UTRN: variants seen among roughly 807,000 people sequenced by gnomAD.
UTRN encodes utrophin, also known as dystrophin-related protein 1.
A neutral mutation model predicts 463.9 loss-of-function variants in UTRN; 283 were observed. The observed-to-expected ratio is 0.61, with a 90% CI of 0.55 to 0.67. The LOEUF (loss-of-function observed/expected upper bound fraction) is 0.67, where lower values mean the gene tolerates loss of function less well. Ranked by LOEUF, UTRN falls within the 30% of genes least tolerant of loss-of-function variation. The pLI is 0.00. For synonymous variants in UTRN, 1,442 were observed against 1,431.5 expected (o/e 1.01, Z -0.17); for missense variants, 3,922 against 4,084.3 (o/e 0.96, Z 1.08).
chr6:144,623,628 G>C lies in UTRN; in HGVS notation c.7479+46340G>C, dbSNP rs1231621308. Reference sequence around the variant, plus strand: ...ACTAAGTCAGCTGTTTGGAAGTCTTGGTGTAAAAATGTCTTAGAGCTTTGC... The same window carrying C: ...ACTAAGTCAGCTGTTTGGAAGTCTTCGTGTAAAAATGTCTTAGAGCTTTGC... On this transcript the variant is annotated intron_variant, in intron 51 of 74. Coordinates refer to ENST00000367545, the MANE Select transcript of UTRN (RefSeq NM_007124.3). Among the ~76,000 whole-genome samples the C allele has an allele frequency of 2.0e-5, 3 of 152,048 alleles. No homozygotes were observed. The East Asian group carries it at 5.8e-4, about 29-fold the overall frequency.
intron 2 of UTRN, among the ~76,000 whole-genome samples, chr6:144,394,786 T>C (rs1782251646): frequency 1.3e-5 from 2 of 152,184 alleles, no homozygotes; most frequent in Non-Finnish European, 2.9e-5. Flanking sequence ...TCTGTGAATT[T>C]ATGAGGAAGA....
intron 2 of UTRN, among the ~76,000 whole-genome samples, chr6:144,337,572 A>G (rs185144370): frequency 1.3e-5 from 2 of 152,240 alleles, no homozygotes; most frequent in African/African-American, 2.4e-5. Flanking sequence ...TTTAAGATCT[A>G]TGTCTGAGGT....
chr6:144,604,129 A>G (rs911757805), intron 51 of UTRN, among the ~76,000 whole-genome samples: 1 of 152,226 alleles, frequency 6.6e-6, no homozygotes, highest in Non-Finnish European at 1.5e-5. Context: ...ACATCTAGGC[A>G]GTAGAAACAG....
chr6:144,307,747 GA>G (rs796827094), intron 2 of UTRN, among the ~76,000 whole-genome samples: 5 of 151,492 alleles, frequency 3.3e-5, no homozygotes, highest in African/African-American at 9.7e-5. Context: ...ATTTGTTGAT[GA>G]ATATTTCCCT....
At chr6:144,312,892 A>G (rs183142836) in intron 2 of UTRN, among the ~76,000 whole-genome samples, 10 of 152,340 alleles carry the variant, frequency 6.6e-5, no homozygotes, top group Admixed American at 6.5e-4. Flanking sequence ...TATGTAGATC[A>G]TTTGCAAATG....
chr6:144,820,234 C>T (rs1779481559), intron 65 of UTRN, among the ~76,000 whole-genome samples: 1 of 151,958 alleles, frequency 6.6e-6, no homozygotes, highest in African/African-American at 2.4e-5. Flanking sequence ...TTTAGAAATA[C>T]CTAAGGGAAC....
intron 46 of UTRN, among the ~76,000 whole-genome samples, chr6:144,546,676 A>G (rs1338701130): frequency 2.0e-5 from 3 of 151,988 alleles, no homozygotes; most frequent in Admixed American, 2.0e-4. Context: ...AGGCTTGGTG[A>G]TGCAGGCCTG....
chr6:144,849,418 A>T (rs1229723151), intron 74 of UTRN, among the ~76,000 whole-genome samples: 3 of 152,170 alleles, frequency 2.0e-5, no homozygotes, highest in African/African-American at 7.2e-5. Context: ...AGTGCTCAGA[A>T]TTTAAAGCAG....
At chr6:144,303,862 T>G (rs1264067564) in intron 2 of UTRN, among the ~76,000 whole-genome samples, 1 of 152,180 alleles carries the variant, frequency 6.6e-6, no homozygotes, top group East Asian at 1.9e-4. Flanking sequence ...TAAAGAGTAG[T>G]CTAATGTGAT....
At chr6:144,346,188 A>AT (rs1204187913) in intron 2 of UTRN, among the ~76,000 whole-genome samples, 11 of 134,152 alleles carry the variant, frequency 8.2e-5, no homozygotes, top group South Asian at 2.1e-4. Context: ...AAAAAAAAAA[A>AT]AAATAAAATA....
intron 2 of UTRN, among the ~76,000 whole-genome samples, chr6:144,344,971 A>G (rs550585776): frequency 3.9e-5 from 6 of 152,314 alleles, no homozygotes; most frequent in African/African-American, 1.2e-4. Context: ...TGTTTAATGT[A>G]TACATGTGTG....
intron 51 of UTRN, among the ~76,000 whole-genome samples, chr6:144,580,821 A>G (rs1284665091): frequency 6.6e-6 from 1 of 152,218 alleles, no homozygotes; most frequent in Non-Finnish European, 1.5e-5. Flanking sequence ...AGCTGATGGT[A>G]TGAGGAATGG....
At chr6:144,477,917 A>T (rs185669534) in intron 25 of UTRN, among the ~76,000 whole-genome samples, 1 of 152,160 alleles carries the variant, frequency 6.6e-6, no homozygotes, top group Non-Finnish European at 1.5e-5. Flanking sequence ...CTATCCATCC[A>T]TCCACATACA....
intron 53 of UTRN, among the ~76,000 whole-genome samples, chr6:144,718,281 T>G (rs1786725789): frequency 6.6e-6 from 1 of 152,088 alleles, no homozygotes; most frequent in Non-Finnish European, 1.5e-5. Flanking sequence ...ACTGGCCTGG[T>G]CAACATAGCA....
chr6:144,328,027 C>A (rs1204852676), intron 2 of UTRN, among the ~76,000 whole-genome samples: 1 of 152,060 alleles, frequency 6.6e-6, no homozygotes, highest in Non-Finnish European at 1.5e-5. Context: ...AACTGCTAGG[C>A]TAGAACTAGG....
At chr6:144,448,562 G>A in intron 16 of UTRN, 38 bp from the exon 17 acceptor site, 5 of 1,604,594 alleles carry the variant, frequency 3.1e-6, no homozygotes, top group Non-Finnish European at 4.3e-6. Context: ...CAATGAAGCT[G>A]TTATAAACAT....
At chr6:144,590,450 T>C (rs1231716841) in intron 51 of UTRN, among the ~76,000 whole-genome samples, 1 of 152,158 alleles carries the variant, frequency 6.6e-6, no homozygotes, top group Non-Finnish European at 1.5e-5. Context: ...TATCATTATA[T>C]TTAAAAGGAC....
intron 53 of UTRN, among the ~76,000 whole-genome samples, chr6:144,712,460 G>A (rs567080293): frequency 1.3e-5 from 2 of 152,192 alleles, no homozygotes; most frequent in African/African-American, 4.8e-5. Flanking sequence ...ACAGAGGCCT[G>A]TAAAACCAAT....
intron 54 of UTRN, among the ~76,000 whole-genome samples, chr6:144,738,145 G>A (rs1016105578): frequency 2.0e-5 from 3 of 152,078 alleles, no homozygotes; most frequent in Non-Finnish European, 4.4e-5. Context: ...TCATCCCTTC[G>A]ATTTTATCTC....
Sources: gnomAD v4.1 joint callset for allele counts (sites outside exome capture counted in the v4.1 genomes callset) on GRCh38, gnomAD v4.1.1 for gene constraint, MANE v1.5 for transcripts, NCBI Gene and HGNC (gene_info 2026-07-23, HGNC 2026-07-21) for gene names.